Variants in RBFOX1 observed in about 807,000 individuals in gnomAD.
RBFOX1 encodes RNA binding protein fox-1 homolog 1.
RBFOX1 carries 8 observed loss-of-function variants against 57.7 expected under a neutral mutation model. The observed-to-expected ratio is 0.14, with a 90% CI of 0.08 to 0.25. RBFOX1 has a LOEUF of 0.25. Ranked by LOEUF, RBFOX1 falls within the 10% of genes least tolerant of loss-of-function variation. The pLI, the probability that RBFOX1 is intolerant of heterozygous loss-of-function variation, is 1.00. For synonymous variants in RBFOX1, 326 were observed against 222.4 expected (o/e 1.47, Z -4.15); for missense variants, 611 against 548.5 (o/e 1.11, Z -1.14).
At chr16:6,672,850 C>T (rs1568151208) in intron 3 of RBFOX1, among the ~76,000 whole-genome samples, 1 of 152,150 alleles carries the variant, frequency 6.6e-6, no homozygotes, top group Non-Finnish European at 1.5e-5. Context: ...GTGGACCTAT[C>T]TCTGATGTTA....
chr16:7,623,285 A>G (rs1183531869), intron 10 of RBFOX1, among the ~76,000 whole-genome samples: 1 of 152,184 alleles, frequency 6.6e-6, no homozygotes, highest in Non-Finnish European at 1.5e-5. Flanking sequence ...GGATGATTCC[A>G]GTGCATTTCT....
At position 6,980,842 on chromosome 16, in the gene RBFOX1, A is replaced by G. The variant is rs183529356; in HGVS notation, c.-15-71215A>G. On this transcript the variant is annotated intron_variant, in intron 3 of 15. Coordinates refer to ENST00000550418, the MANE Select transcript of RBFOX1 (RefSeq NM_018723.4). ...CGGATCACTTCAGGTCAGGAGTTCA[A>G]AACCAGTCTGGCTAACATGTTGAAA... Among the ~76,000 whole-genome samples, 245 of 152,216 alleles carry G rather than the reference A, an allele frequency of 1.6e-3. 1 individual carries two copies. The highest frequency in any genetic ancestry group is 0.01 in the Middle Eastern group (3 of 294).
chr16:6,940,438 C>A (rs901945263), intron 3 of RBFOX1, among the ~76,000 whole-genome samples: 1 of 152,088 alleles, frequency 6.6e-6, no homozygotes, highest in Admixed American at 6.5e-5. Context: ...TTCTCTCTGT[C>A]CACACAGCAA....
chr16:6,992,745 A>G (rs1336346893), intron 3 of RBFOX1, among the ~76,000 whole-genome samples: 1 of 151,118 alleles, frequency 6.6e-6, no homozygotes, highest in East Asian at 2.0e-4. Flanking sequence ...AAGAGGTCAC[A>G]TGATCTACCC....
intron 4 of RBFOX1, among the ~76,000 whole-genome samples, chr16:7,111,872 T>G (rs1241327253): frequency 1.3e-5 from 2 of 152,182 alleles, no homozygotes; most frequent in Non-Finnish European, 2.9e-5. Flanking sequence ...ATTGATCAGT[T>G]GAATTGAAAA....
intron 1 of RBFOX1, among the ~76,000 whole-genome samples, chr16:5,248,169 G>A (rs1383964832): frequency 1.3e-5 from 2 of 152,194 alleles, no homozygotes; most frequent in Admixed American, 6.5e-5. Context: ...TACTAGGAAG[G>A]GAGATAAAAG....
At position 5,414,527 on chromosome 16, in the gene RBFOX1, G is replaced by T. The variant is rs574119573; in HGVS notation, c.220-52689G>T. Among the ~76,000 whole-genome samples the T allele has an allele frequency of 7.2e-5, 11 of 152,252 alleles. No homozygotes were observed. In the East Asian group the frequency reaches 1.9e-3, roughly 27 times the overall value. The stretch of plus-strand genomic sequence containing the variant: ...ACCCTGGATGTGGGTTGGTCAATTT[G>T]GGGGGCTGCTGTAGGCCTTATGGCT... On this transcript the variant is annotated intron_variant, in intron 1 of 2. Transcript: ENST00000585867.
At chr16:7,681,897 C>G (rs1014591228) in intron 14 of RBFOX1, among the ~76,000 whole-genome samples, 1 of 152,084 alleles carries the variant, frequency 6.6e-6, no homozygotes, top group Non-Finnish European at 1.5e-5. Flanking sequence ...AGTAGCAGCC[C>G]TTGTTCTTAT....
At chr16:6,459,118 G>A (rs554169444) in intron 2 of RBFOX1, among the ~76,000 whole-genome samples, 13 of 152,228 alleles carry the variant, frequency 8.5e-5, no homozygotes, top group African/African-American at 2.2e-4. Flanking sequence ...GGTGGATCCC[G>A]AGGTCAGCAG....
rs1375875325 is a variant in RBFOX1 at position 7,607,319 on chromosome 16, C to T, written c.657C>T (p.Tyr219=). The change falls in exon 10 of 16, where the codon TAC becomes TAT. Residue 219 remains tyrosine, a synonymous_variant. Transcript: ENST00000550418. ...WKLNPVVGAV[Y]SPEFYAGTVL... ...TGAATCCAGTTGTGGGTGCAGTCTA[C>T]AGTCCCGAATTCTATGCAGGTACAG... The T allele has an allele frequency of 1.2e-6, 2 of 1,611,064 alleles. No individual in the cohort carries two copies. The highest frequency in any genetic ancestry group is 1.7e-6 in the Non-Finnish European group (2 of 1,179,254).
At chr16:6,760,594 G>A (rs912849389) in intron 3 of RBFOX1, among the ~76,000 whole-genome samples, 36 of 152,174 alleles carry the variant, frequency 2.4e-4, no homozygotes, top group South Asian at 4.1e-4. Context: ...CTTGTTTTGC[G>A]TTGGTAGACT....
intron 2 of RBFOX1, among the ~76,000 whole-genome samples, chr16:5,476,263 A>G (rs2151632632): frequency 6.6e-6 from 1 of 152,336 alleles, no homozygotes; most frequent in African/African-American, 2.4e-5. Context: ...TACCATGAAT[A>G]TATGCCATAT....
chr16:6,936,756 T>G (rs562966780), intron 3 of RBFOX1, among the ~76,000 whole-genome samples: 1 of 151,894 alleles, frequency 6.6e-6, no homozygotes, highest in Non-Finnish European at 1.5e-5. Context: ...CCATACTGTA[T>G]TGGTAATTCA....
chr16:6,209,850 T>A (rs2097281347), intron 1 of RBFOX1, among the ~76,000 whole-genome samples: 1 of 152,216 alleles, frequency 6.6e-6, no homozygotes, highest in African/African-American at 2.4e-5. Flanking sequence ...AGAAACATGG[T>A]ATGAAGGTCT....
upstream of RBFOX1, among the ~76,000 whole-genome samples, chr16:6,018,210 A>G (rs1024792821): frequency 6.6e-6 from 1 of 151,122 alleles, no homozygotes. Context: ...GGGAGGGAGG[A>G]AGGAAGGGAG....
At chr16:5,352,574 C>T (rs575352630) in intron 1 of RBFOX1, among the ~76,000 whole-genome samples, 4 of 152,244 alleles carry the variant, frequency 2.6e-5, no homozygotes, top group East Asian at 1.9e-4. Flanking sequence ...CGTTTGATCA[C>T]GTATGGCCTA....
At chr16:7,424,939 G>GAT (rs1382258126) in intron 4 of RBFOX1, among the ~76,000 whole-genome samples, 2 of 152,132 alleles carry the variant, frequency 1.3e-5, no homozygotes, top group Non-Finnish European at 2.9e-5. Flanking sequence ...AAGGTGATAA[G>GAT]ATACTTGGGA....
chr16:5,912,182 C>T lies in RBFOX1; in HGVS notation c.351+44847C>T, dbSNP rs368753389. Reference sequence around the variant, plus strand: ...TGTGTCTTTGGCTAAGTGACTTAGCCTCTCTGAGCCTCAGTTTTTTCATCC... The same window carrying T: ...TGTGTCTTTGGCTAAGTGACTTAGCTTCTCTGAGCCTCAGTTTTTTCATCC... On this transcript the variant is annotated intron_variant, in intron 4 of 19. Transcript: ENST00000641259. Among the ~76,000 whole-genome samples, 12 of 152,246 alleles carry T rather than the reference C, an allele frequency of 7.9e-5. No individual in the cohort carries two copies. In the East Asian group the frequency reaches 1.2e-3, roughly 15 times the overall value.
intron 3 of RBFOX1, among the ~76,000 whole-genome samples, chr16:6,971,174 A>G (rs896496084): frequency 2.0e-5 from 3 of 152,228 alleles, no homozygotes; most frequent in African/African-American, 7.2e-5. Context: ...AATTATTGGG[A>G]AAAAGTATCC....
Sources: gnomAD v4.1 joint callset for allele counts (sites outside exome capture counted in the v4.1 genomes callset) on GRCh38, gnomAD v4.1.1 for gene constraint, MANE v1.5 for transcripts, NCBI Gene and HGNC (gene_info 2026-07-23, HGNC 2026-07-21) for gene names.